The following TYW1 variants were observed in gnomAD, a reference collection of about 807,000 sequenced individuals.
TYW1 encodes S-adenosyl-L-methionine-dependent tRNA 4-demethylwyosine synthase TYW1.
In TYW1, 46 loss-of-function variants were observed where a neutral mutation model predicts 96.2. That is an observed-to-expected ratio of 0.48 (90% CI 0.38 to 0.61). The LOEUF (loss-of-function observed/expected upper bound fraction) is 0.61. TYW1 is among the 20% of genes least tolerant of loss of function. TYW1 has a pLI of 0.00. For synonymous variants in TYW1, 274 were observed against 323.0 expected (o/e 0.85, Z 1.63); for missense variants, 684 against 909.6 (o/e 0.75, Z 3.19).
At chr7:67,083,632 C>T in intron 11 of TYW1, 93 bp downstream of exon 11, 1 of 1,368,890 alleles carries the variant, frequency 7.3e-7, no homozygotes, top group Non-Finnish European at 9.9e-7. Context: ...GGATTTTGTC[C>T]CCACTGGCAA....
intron 15 of TYW1, among the ~76,000 whole-genome samples, chr7:67,226,102 G>C (rs1393833542): frequency 6.6e-6 from 1 of 152,156 alleles, no homozygotes; most frequent in Non-Finnish European, 1.5e-5. Flanking sequence ...CTGAGACAAT[G>C]AAAGAGATCT....
chr7:67,120,374 C>T (rs1394806687), intron 13 of TYW1, among the ~76,000 whole-genome samples: 2 of 152,166 alleles, frequency 1.3e-5, no homozygotes, highest in Non-Finnish European at 2.9e-5. Flanking sequence ...TGAGCCACTG[C>T]ACCCAGTCTG....
In TYW1 at chr7:67,018,025, G is replaced by A. The variant is rs2129243085; in HGVS notation, c.743G>A (p.Arg248Lys). ...SQLQALQKGE[R>K]KKSCGGHCKK... ...CTGCAGGCACTTCAGAAAGGGGAGA[G>A]AAAGAAGTCCTGTGGCGGCCACTGC... Residue 248 changes from arginine to lysine, a missense_variant, in exon 6 of 16, where the codon AGA becomes AAA. Coordinates refer to ENST00000359626, the MANE Select transcript of TYW1 (RefSeq NM_018264.4). 1 of 1,614,148 alleles carries A rather than the reference G, an allele frequency of 6.2e-7. No individual in the cohort carries two copies. The highest frequency in any genetic ancestry group is 2.2e-5 in the East Asian group (1 of 44,888).
At chr7:67,151,944 C>T (rs1420274574) in intron 13 of TYW1, among the ~76,000 whole-genome samples, 2 of 152,088 alleles carry the variant, frequency 1.3e-5, no homozygotes, top group African/African-American at 2.4e-5. Context: ...GTAGCTGGGA[C>T]CACAGGCATG....
At chr7:67,061,735 G>A (rs1352641335) in intron 9 of TYW1, among the ~76,000 whole-genome samples, 1 of 152,132 alleles carries the variant, frequency 6.6e-6, no homozygotes, top group Admixed American at 6.5e-5. Flanking sequence ...GAATACTAAT[G>A]GTTGGTGAAT....
rs923995010 is a variant in TYW1, at chr7:67,178,170, G to GA, written c.1699-4947dup. 2.3e-4 allele frequency among the ~76,000 whole-genome samples: 31 copies of GA among 133,638 alleles called. 1 individual carries two copies. Among genetic ancestry groups the GA allele is most frequent in the East Asian group, 4.0e-4 (2 of 5,024 alleles). The allele number at this position is 133,638 out of a possible 152,430, so 87.7% of individuals were successfully genotyped here. On this transcript the variant is annotated intron_variant, in intron 13 of 15. Transcript: ENST00000359626. Reference sequence around the variant, plus strand: ...TGGAGCCAGACCCTATCTCAAGCCAGAAAAAAAAACAGGAGGTGGGGAGAG... The same window carrying GA: ...TGGAGCCAGACCCTATCTCAAGCCAGAAAAAAAAAACAGGAGGTGGGGAGAG...
intron 3 of TYW1, among the ~76,000 whole-genome samples, chr7:67,008,024 C>T (rs1218832541): frequency 2.0e-5 from 3 of 152,194 alleles, no homozygotes; most frequent in Non-Finnish European, 4.4e-5. Context: ...ACACCAGTCA[C>T]AAGTCCCGGC....
intron 11 of TYW1, among the ~76,000 whole-genome samples, chr7:67,096,592 A>G (rs1449135509): frequency 1.3e-5 from 2 of 151,768 alleles, no homozygotes; most frequent in African/African-American, 2.4e-5. Context: ...TTTTTTTTTA[A>G]CTCTTAAGTT....
At chr7:67,088,355 G>GAAA (rs36069960) in intron 11 of TYW1, among the ~76,000 whole-genome samples, 2 of 147,824 alleles carry the variant, frequency 1.4e-5, no homozygotes, top group East Asian at 2.0e-4. Context: ...TAATAGAAAA[G>GAAA]AAAAAAAAAA....
intron 15 of TYW1, among the ~76,000 whole-genome samples, chr7:67,213,060 A>G (rs1322918643): frequency 6.6e-6 from 1 of 152,062 alleles, no homozygotes; most frequent in African/African-American, 2.4e-5. Context: ...TTTAGTAGAA[A>G]CAGGGCTTCA....
intron 9 of TYW1, among the ~76,000 whole-genome samples, chr7:67,062,100 A>G (rs1795711723): frequency 6.6e-6 from 1 of 152,104 alleles, no homozygotes; most frequent in Admixed American, 6.6e-5. Flanking sequence ...TCTTAAAATT[A>G]TCAGAAATGT....
intron 9 of TYW1, among the ~76,000 whole-genome samples, chr7:67,059,294 G>A (rs1205438138): frequency 6.6e-6 from 1 of 150,840 alleles, no homozygotes; most frequent in Admixed American, 6.6e-5. Context: ...TAGTAGAGAC[G>A]GGGTTTCACC....
intron 15 of TYW1, among the ~76,000 whole-genome samples, chr7:67,200,527 T>C (rs1800558467): frequency 6.6e-6 from 1 of 151,950 alleles, no homozygotes; most frequent in African/African-American, 2.4e-5. Flanking sequence ...AAGAACAGTA[T>C]GGGGGAAACC....
chr7:67,210,979 G>C (rs1800997129), intron 15 of TYW1, among the ~76,000 whole-genome samples: 1 of 151,026 alleles, frequency 6.6e-6, no homozygotes, highest in Admixed American at 6.6e-5. Flanking sequence ...CTGCCTGCCT[G>C]CCTGTCTGTC....
In TYW1 at chr7:67,239,445, T is replaced by G. The variant is rs1184899038; in HGVS notation, c.*916T>G. The stretch of plus-strand genomic sequence containing the variant: ...AGATCATAAATACTCAAAATTGTTT[T>G]CAAGTTAGCAAGTTCTTTTAACAGT... On this transcript the variant is annotated 3_prime_UTR_variant, in exon 16 of 16. Transcript: ENST00000359626. The G allele has an allele frequency of 1.0e-6, 1 of 968,748 alleles. No individual in the cohort carries two copies. The highest frequency in any genetic ancestry group is 1.8e-5 in the African/African-American group (1 of 56,820). 60.0% of individuals were successfully genotyped at this position (968,748 alleles called of 1,614,324 possible). A position where few individuals can be genotyped will look rare whatever the true frequency, so the allele number is the denominator to read the frequency against.
chr7:67,019,586 G>A (rs930379578), intron 6 of TYW1, among the ~76,000 whole-genome samples: 1 of 152,244 alleles, frequency 6.6e-6, no homozygotes. Context: ...TCTTGGCCTC[G>A]GACAGCGCTG....
At chr7:67,149,776 C>CTA (rs1563041677) in intron 13 of TYW1, among the ~76,000 whole-genome samples, 1,657 of 55,592 alleles carry the variant, frequency 0.03, 22 homozygotes, top group Middle Eastern at 0.058. Flanking sequence ...CTATCTATCT[C>CTA]TCTATGTTAA....
chr7:67,063,493 G>T (rs1018273334), intron 9 of TYW1, among the ~76,000 whole-genome samples: 3 of 151,802 alleles, frequency 2.0e-5, no homozygotes, highest in Admixed American at 6.6e-5. Context: ...TTGTTTTGCA[G>T]GTGACGTGAT....
At chr7:67,140,620 T>C (rs1483756406) in intron 13 of TYW1, among the ~76,000 whole-genome samples, 1 of 152,130 alleles carries the variant, frequency 6.6e-6, no homozygotes, top group African/African-American at 2.4e-5. Context: ...GATAAAAAAT[T>C]AGTGAAGAAG....
Sources: gnomAD v4.1 joint callset for allele counts (sites outside exome capture counted in the v4.1 genomes callset) on GRCh38, gnomAD v4.1.1 for gene constraint, MANE v1.5 for transcripts, NCBI Gene and HGNC (gene_info 2026-07-23, HGNC 2026-07-21) for gene names.